Variants in PLEKHA4 observed in about 807,000 individuals in gnomAD.
PLEKHA4 encodes pleckstrin homology domain containing A4.
PLEKHA4 carries 73 observed loss-of-function variants against 94.7 expected under a neutral mutation model. That is an observed-to-expected ratio of 0.77 (90% CI 0.64 to 0.94). The LOEUF (loss-of-function observed/expected upper bound fraction) is 0.94. PLEKHA4 is among the 40% of genes least tolerant of loss of function. The pLI, the probability that PLEKHA4 is intolerant of heterozygous loss-of-function variation, is 0.00. For synonymous variants in PLEKHA4, 449 were observed against 437.1 expected, an observed-to-expected ratio of 1.03 and a Z score of -0.34; for missense variants, 1,049 against 1,054.1, an observed-to-expected ratio of 1.00 and a Z score of 0.07.
intron 9 of PLEKHA4, among the ~76,000 whole-genome samples, chr19:48,854,525 G>A (rs2036330140): frequency 6.6e-6 from 1 of 151,542 alleles, no homozygotes; most frequent in Non-Finnish European, 1.5e-5. Flanking sequence ...CACACATCAT[G>A]CCCGGCTAAT....
intron 16 of PLEKHA4, among the ~76,000 whole-genome samples, chr19:48,842,379 G>C (rs2035803696): frequency 6.6e-6 from 1 of 152,046 alleles, no homozygotes; most frequent in Non-Finnish European, 1.5e-5. Flanking sequence ...TTGAACTCCT[G>C]ATCTCGTGAT....
At chr19:48,864,364 C>T (rs1257935304) in intron 3 of PLEKHA4, among the ~76,000 whole-genome samples, 4 of 151,900 alleles carry the variant, frequency 2.6e-5, no homozygotes, top group Admixed American at 6.6e-5. Context: ...GCCAGGGTTT[C>T]GCCATGTTGA....
In PLEKHA4 at chr19:48,859,746, G is replaced by A. The variant is rs1019624630; in HGVS notation, c.477-62C>T. 2.7e-6 allele frequency: 4 copies of A among 1,459,876 alleles called. No homozygotes were observed. In the Admixed American group the frequency reaches 7.6e-5, roughly 28 times the overall value. 90.4% of individuals were successfully genotyped at this position (1,459,876 alleles called of 1,614,324 possible). On this transcript the variant is annotated intron_variant, in intron 6 of 19. Transcript: ENST00000263265. Reference sequence around the variant, plus strand: ...AACTTCATAACAGCCCTATTCTCTTGTCACAGGTGAGAACACAAGGATGCA... The same window carrying A: ...AACTTCATAACAGCCCTATTCTCTTATCACAGGTGAGAACACAAGGATGCA...
chr19:48,852,605 A>G (rs977531733), intron 12 of PLEKHA4, among the ~76,000 whole-genome samples: 2 of 152,136 alleles, frequency 1.3e-5, no homozygotes, highest in African/African-American at 4.8e-5. Flanking sequence ...AGCAGAGTCT[A>G]CAGATCTAAT....
Position 48,861,430 on chromosome 19 carries a change from C to G in PLEKHA4, c.337G>C (p.Ala113Pro), listed in dbSNP as rs772282501. The G allele has an allele frequency of 1.9e-6, 3 of 1,613,956 alleles. No homozygotes were observed. The highest frequency in any genetic ancestry group is 1.7e-5 in the Admixed American group (1 of 60,018). ...AAGGTGAAGCGCCGCCCTCGGGGGG[C>G]TCCCGGCCCATCTGGTCTAATATTG... is the stretch of plus-strand genomic sequence containing the variant. ...SYNIRPDGPG[A>P]PRGRRFTFTA... The change falls in exon 5 of 20, where the codon GCC becomes CCC. Residue 113 changes from alanine to proline, a missense_variant. Physicochemically the swap from Ala to Pro is conservative, Grantham distance 27. Transcript: ENST00000263265.
chr19:48,856,828 G>A (rs2036431317), intron 9 of PLEKHA4, among the ~76,000 whole-genome samples: 1 of 147,806 alleles, frequency 6.8e-6, no homozygotes, highest in African/African-American at 2.5e-5. Flanking sequence ...GAACCCGGGA[G>A]GCAGAGCTTG....
intron 14 of PLEKHA4, among the ~76,000 whole-genome samples, chr19:48,846,374 C>G (rs2035972073): frequency 1.3e-5 from 2 of 151,366 alleles, no homozygotes; most frequent in African/African-American, 4.9e-5. Flanking sequence ...TGGTGTGAAC[C>G]CGGGAGGTAG....
chr19:48,837,602 C>T lies in PLEKHA4; in HGVS notation c.2078-51G>A. ...AATGGCAAACCTCAGCGCTAGGACC[C>T]CGGATTCCCAGCCCCTCCTCCCTCA... On this transcript the variant is annotated intron_variant, in intron 19 of 19. Transcript: ENST00000263265. The surrounding 1 kb of genome is among the most constrained non-coding windows in gnomAD (Gnocchi z 4.3). 1.3e-6 allele frequency: 2 copies of T among 1,599,074 alleles called. No individual in the cohort carries two copies. The highest frequency in any genetic ancestry group is 1.7e-6 in the Non-Finnish European group (2 of 1,172,606).
Position 48,859,502 on chromosome 19 carries a change from G to A in PLEKHA4, c.659C>T (p.Ser220Phe). ...CCTCGCCCTCCGCATCTGGAGTCCA[G>A]AGTGGAGGTCGGTTGTGGGGCTGGG... ...LTPSPTTDLH[S>F]GLQMRRARSP... The change falls in exon 7 of 20, where the codon TCT becomes TTT. Residue 220 changes from serine (S) to phenylalanine (F), a missense_variant. Ser to Phe is a radical substitution (Grantham distance 155, BLOSUM62 -2). Coordinates refer to ENST00000263265, the MANE Select transcript of PLEKHA4 (RefSeq NM_020904.3). 1.9e-6 allele frequency: 3 copies of A among 1,614,046 alleles called. No individual in the cohort carries two copies. The highest frequency in any genetic ancestry group is 8.5e-7 in the Non-Finnish European group (1 of 1,180,024).
chr19:48,839,848 C>G (rs1432917699), intron 17 of PLEKHA4, among the ~76,000 whole-genome samples: 1 of 151,608 alleles, frequency 6.6e-6, no homozygotes, highest in African/African-American at 2.4e-5. Context: ...CCTGTAATCC[C>G]AGCACTTTGG....
chr19:48,837,994 G>T lies in PLEKHA4; in HGVS notation c.2077+23C>A, dbSNP rs758657756. The T allele has an allele frequency of 1.9e-6, 3 of 1,579,566 alleles. No individual in the cohort carries two copies. The highest frequency in any genetic ancestry group is 2.3e-5 in the East Asian group (1 of 44,432). On this transcript the variant is annotated intron_variant, in intron 19 of 19. Coordinates refer to ENST00000263265, the MANE Select transcript of PLEKHA4 (RefSeq NM_020904.3). This position sits in a 1 kb window ranked among gnomAD's most constrained non-coding sequence, Gnocchi z 4.3. ...GCTCTCTCCTCCCTAAAACCCAGAA[G>T]TCCAACATCCCCAGCCAGTCACCTG...
At chr19:48,844,071 G>A (rs979628053) in intron 16 of PLEKHA4, among the ~76,000 whole-genome samples, 1 of 151,434 alleles carries the variant, frequency 6.6e-6, no homozygotes, top group Non-Finnish European at 1.5e-5. Flanking sequence ...AAAGTGTTGG[G>A]ATTACAGGCA....
In PLEKHA4 at chr19:48,839,224, T is replaced by A; in HGVS notation, c.1945A>T (p.Ser649Cys). ...GHSGAQKWLR[S>C]SGSWSSPRNT... ...CCTTACCTACTCCAGGACCCAGAGCTTCTGAGCCATTTCTGGGCTCCCGAG... is the reference window on the plus strand; with the variant it reads ...CCTTACCTACTCCAGGACCCAGAGCATCTGAGCCATTTCTGGGCTCCCGAG... Residue 649 changes from serine (S) to cysteine (C), a missense_variant, in exon 18 of 20, where the codon AGC becomes TGC. By Grantham distance (112) the Ser-to-Cys change is moderately radical. Coordinates refer to ENST00000263265, the MANE Select transcript of PLEKHA4 (RefSeq NM_020904.3). 6.3e-7 allele frequency: 1 copy of A among 1,597,698 alleles called. No homozygotes were observed. Among genetic ancestry groups the A allele is most frequent in the East Asian group, 2.2e-5 (1 of 44,488 alleles).
intron 18 of PLEKHA4, 44 bp from the exon 19 acceptor site, chr19:48,838,173 G>T: frequency 1.7e-6 from 2 of 1,152,624 alleles, no homozygotes; most frequent in Non-Finnish European, 1.3e-6. Context: ...TGTACATGGG[G>T]GAGAGGTGGG....
chr19:48,837,142 C>T lies in PLEKHA4; in HGVS notation c.*147G>A. 3 of 1,132,904 alleles carry T rather than the reference C, an allele frequency of 2.6e-6. No individual in the cohort carries two copies. Among genetic ancestry groups the T allele is most frequent in the South Asian group, 1.3e-5 (1 of 74,494 alleles). 70.2% of individuals were successfully genotyped at this position (1,132,904 alleles called of 1,614,324 possible). A position where few individuals can be genotyped will look rare whatever the true frequency, so the allele number is the denominator to read the frequency against. ...CCAAATTTAGACAGTGTTGAGAAAA[C>T]CAAACTTTGGCCATAGAAACCATTC... On this transcript the variant is annotated 3_prime_UTR_variant, in exon 20 of 20. Coordinates refer to ENST00000263265, the MANE Select transcript of PLEKHA4 (RefSeq NM_020904.3). The surrounding 1 kb of genome is among the most constrained non-coding windows in gnomAD (Gnocchi z 4.3).
rs1169374862 is a variant in PLEKHA4, at chr19:48,867,525, G to A, written c.84+12C>T. The A allele has an allele frequency of 1.3e-6, 2 of 1,588,304 alleles. No homozygotes were observed. Among genetic ancestry groups the A allele is most frequent in the South Asian group, 2.3e-5 (2 of 86,672 alleles). ...CCCACCTTCCTCCCCATCCCCGCCA[G>A]GAAGCTCAAACCTTGGGGCTCAGGC... On this transcript the variant is annotated intron_variant, in intron 2 of 19. Coordinates refer to ENST00000263265, the MANE Select transcript of PLEKHA4 (RefSeq NM_020904.3). This position sits in a 1 kb window ranked among gnomAD's most constrained non-coding sequence, Gnocchi z 4.7.
chr19:48,845,134 G>A (rs993278315), intron 16 of PLEKHA4: 6 of 467,738 alleles, frequency 1.3e-5, no homozygotes, highest in Non-Finnish European at 2.3e-5. Context: ...GGTAGGTTCT[G>A]CTATTAGCCC....
chr19:48,848,854 G>T (rs575310238), intron 13 of PLEKHA4, among the ~76,000 whole-genome samples: 7 of 152,048 alleles, frequency 4.6e-5, no homozygotes, highest in African/African-American at 1.7e-4. Context: ...GTTTTACTGT[G>T]TTACATCTAT....
intron 18 of PLEKHA4, 24 bp downstream of exon 18, chr19:48,839,181 T>C: frequency 1.3e-6 from 2 of 1,544,304 alleles, no homozygotes; most frequent in African/African-American, 2.8e-5. Context: ...TCCTGCTCCC[T>C]TGATACGCCC....
Sources: allele counts gnomAD v4.1 joint callset (sites outside exome capture counted in the v4.1 genomes callset), GRCh38; gene constraint gnomAD v4.1.1; non-coding constraint Gnocchi (gnomAD v3.1); transcripts MANE v1.5; gene names NCBI Gene and HGNC (gene_info 2026-07-23, HGNC 2026-07-21).